The following EPHA1 variants were observed in gnomAD, a reference collection of about 807,000 sequenced individuals.
The protein encoded by EPHA1 is EPH receptor A1.
In EPHA1, 92 loss-of-function variants were observed where a neutral mutation model predicts 110.1. The observed-to-expected ratio is 0.84, with a 90% CI of 0.71 to 0.99. The LOEUF is 0.99. Among genes scored for constraint, EPHA1 ranks in the 50% least tolerant of loss-of-function variants. The pLI is 0.00. For missense variants in EPHA1, 1,204 were observed against 1,285.4 expected, an observed-to-expected ratio of 0.94 and a Z score of 0.97; for synonymous variants, 500 against 516.1, an observed-to-expected ratio of 0.97 and a Z score of 0.42.
In EPHA1 at chr7:143,401,171, G is replaced by A; in HGVS notation, c.432+153C>T. 1 of 984,754 alleles carries A rather than the reference G, an allele frequency of 1.0e-6. No individual in the cohort carries two copies. Among genetic ancestry groups the A allele is most frequent in the Non-Finnish European group, 1.5e-6 (1 of 678,194 alleles). The allele number at this position is 984,754 out of a possible 1,614,324, so 61.0% of individuals were successfully genotyped here. A position where few individuals can be genotyped will look rare whatever the true frequency, so the allele number is the denominator to read the frequency against. ...GTTTCCCAAAGCACTGGAATTACAG[G>A]CACAAGCCACCATGCCCAGCCTTCA... is the stretch of plus-strand genomic sequence containing the variant. On this transcript the variant is annotated intron_variant, in intron 3 of 17. Transcript: ENST00000275815. The surrounding 1 kb of genome is among the most constrained non-coding windows in gnomAD (Gnocchi z 4.1).
Position 143,396,471 on chromosome 7 carries a change from G to A in EPHA1, c.1811C>T (p.Ala604Val). 1 of 1,614,056 alleles carries A rather than the reference G, an allele frequency of 6.2e-7. No homozygotes were observed. The highest frequency in any genetic ancestry group is 8.5e-7 in the Non-Finnish European group (1 of 1,179,972). Reference protein sequence around the residue: ...LWLKPYVDLQAYEDPAQGALD... With the variant: ...LWLKPYVDLQVYEDPAQGALD... The stretch of plus-strand genomic sequence containing the variant: ...GGCTCCCTGTGCAGGGTCCTCGTAT[G>A]CCTGGAGGTCCACATAAGGCTTCAG... Residue 604 changes from alanine to valine, a missense_variant, in exon 11 of 18, where the codon GCA (alanine) becomes GTA (valine). Transcript: ENST00000275815.
chr7:143,391,919 CTG>C, intron 16 of EPHA1, 144 bp from the exon 17 acceptor site: 1 of 1,452,390 alleles, frequency 6.9e-7, no homozygotes, highest in Non-Finnish European at 9.1e-7. Context: ...ACCATTATCT[CTG>C]AGCCCACTTC....
chr7:143,398,238 C>G, intron 7 of EPHA1, 83 bp downstream of exon 7: 9 of 1,594,264 alleles, frequency 5.6e-6, no homozygotes, highest in Non-Finnish European at 7.7e-6. Flanking sequence ...GGGTGGATTC[C>G]TCCCAACCCA....
chr7:143,400,992 C>T (rs983849396), intron 3 of EPHA1: 1 of 335,470 alleles, frequency 3.0e-6, no homozygotes. Context: ...CTCCTGGGCT[C>T]AAGTGATCCT....
intron 2 of EPHA1, among the ~76,000 whole-genome samples, chr7:143,402,291 C>A (rs1266059678): frequency 6.6e-6 from 1 of 152,126 alleles, no homozygotes; most frequent in Non-Finnish European, 1.5e-5. Context: ...AGAGGATTCT[C>A]ATCCTCTCCA....
chr7:143,406,498 G>A (rs1805553034), intron 2 of EPHA1, among the ~76,000 whole-genome samples: 1 of 152,228 alleles, frequency 6.6e-6, no homozygotes, highest in African/African-American at 2.4e-5. Flanking sequence ...GTTTCCCTGA[G>A]TTCTGTGAGC....
intron 8 of EPHA1, 55 bp downstream of exon 8, chr7:143,397,865 G>C (rs898806841): frequency 1.3e-6 from 2 of 1,598,956 alleles, no homozygotes; most frequent in Admixed American, 3.4e-5. Flanking sequence ...GAGCTGAGTT[G>C]CCTCAGTGAG....
chr7:143,396,303 G>A (rs935120082), intron 11 of EPHA1, 82 bp downstream of exon 11: 2 of 1,527,754 alleles, frequency 1.3e-6, no homozygotes, highest in Non-Finnish European at 1.8e-6. Flanking sequence ...GCCCAGGGAA[G>A]CGCTGGAAGG....
intron 1 of EPHA1, 36 bp from the exon 2 acceptor site, chr7:143,407,714 G>T: frequency 6.3e-7 from 1 of 1,584,454 alleles, no homozygotes; most frequent in Non-Finnish European, 8.7e-7. Flanking sequence ...GTCACCTCTG[G>T]GGGAGGAGGT....
chr7:143,395,343 G>A lies in EPHA1; in HGVS notation c.2059C>T (p.His687Tyr), dbSNP rs1805214243. The A allele has an allele frequency of 1.2e-6, 2 of 1,614,106 alleles. No homozygotes were observed. Among genetic ancestry groups the A allele is most frequent in the Admixed American group, 1.7e-5 (1 of 59,996 alleles). Reference sequence around the variant, plus strand: ...CGCTTTGTGACGACGCCTTCCAGATGCAGAATATGCGGGTGGCTAAACTGG... The same window carrying A: ...CGCTTTGTGACGACGCCTTCCAGATACAGAATATGCGGGTGGCTAAACTGG... ...MGQFSHPHIL[H>Y]LEGVVTKRKP... is the part of the protein sequence containing the mutation. The change falls in exon 12 of 18, where the codon CAT becomes TAT. Residue 687 changes from histidine (H) to tyrosine (Y), a missense_variant. By Grantham distance (83) the His-to-Tyr change is moderately conservative (BLOSUM62 2). Coordinates refer to ENST00000275815, the MANE Select transcript of EPHA1 (RefSeq NM_005232.5). The surrounding 1 kb of genome is among the most constrained non-coding windows in gnomAD (Gnocchi z 4.7).
Position 143,396,398 on chromosome 7 carries a change from A to G in EPHA1, c.1884T>C (p.Thr628=). The part of the protein sequence containing the change: ...ELDPAWLMVD[T]VIGEGEFGEV... ...AGCAGGACTCACCTTCTCCTATGACAGTGTCCACCATCAGCCACGCTGGAT... is the reference window on the plus strand; with the variant it reads ...AGCAGGACTCACCTTCTCCTATGACGGTGTCCACCATCAGCCACGCTGGAT... Residue 628 remains threonine, a synonymous_variant, in exon 11 of 18, where the codon ACT becomes ACC. Transcript: ENST00000275815. The G allele has an allele frequency of 6.2e-7, 1 of 1,612,614 alleles. No homozygotes were observed. Among genetic ancestry groups the G allele is most frequent in the Non-Finnish European group, 8.5e-7 (1 of 1,179,638 alleles).
chr7:143,398,019 G>C lies in EPHA1; in HGVS notation c.1516C>G (p.Leu506Val). 6.2e-7 allele frequency: 1 copy of C among 1,614,172 alleles called. No individual in the cohort carries two copies. Among genetic ancestry groups the C allele is most frequent in the Non-Finnish European group, 8.5e-7 (1 of 1,180,022 alleles). The change falls in exon 8 of 18, where the codon CTG (leucine) becomes GTG (valine). Residue 506 changes from leucine to valine, a missense_variant. Leu to Val is a conservative substitution (Grantham distance 32). Coordinates refer to ENST00000275815, the MANE Select transcript of EPHA1 (RefSeq NM_005232.5). ...ACGATGTATGTGGTGTCAGGCTGCA[G>C]CTCTGTCAGCAAGACCCTGGGTTCT... ...VLEPRVLLTE[L>V]QPDTTYIVRV...
Position 143,401,503 on chromosome 7 carries a change from A to G in EPHA1, c.253T>C (p.Trp85Arg), listed in dbSNP as rs1364023704. The change falls in exon 3 of 18, where the codon TGG (tryptophan) becomes CGG (arginine). Residue 85 changes from tryptophan to arginine, a missense_variant. Trp to Arg is a moderately radical substitution (Grantham distance 101). Coordinates refer to ENST00000275815, the MANE Select transcript of EPHA1 (RefSeq NM_005232.5). The surrounding 1 kb of genome is among the most constrained non-coding windows in gnomAD (Gnocchi z 4.1). ...RDTDHWLRSNWIYRGEEASRV... is the reference protein window; with the variant it reads ...RDTDHWLRSNRIYRGEEASRV... ...GAAGCCTCCTCCCCGCGGTAGATCC[A>G]ATTGGAGCGAAGCCAGTGGTCAGTG... 1.1e-5 allele frequency: 18 copies of G among 1,614,058 alleles called. No individual in the cohort carries two copies. The highest frequency in any genetic ancestry group is 2.7e-5 in the African/African-American group (2 of 75,024).
rs1805249736 is a variant in EPHA1 at position 143,396,402 on chromosome 7, TC to T, written c.1879del (p.Asp627ThrfsTer4). On this transcript the variant is annotated frameshift_variant, in exon 11 of 18. Transcript: ENST00000275815. LOFTEE classifies it high-confidence loss of function. ...GGACTCACCTTCTCCTATGACAGTG[TC>T]CACCATCAGCCACGCTGGATCAAGC... ...RELDPAWLMV[D>X]TVIGEGEFGE... 6.2e-7 allele frequency: 1 copy of T among 1,612,714 alleles called. No individual in the cohort carries two copies. The highest frequency in any genetic ancestry group is 1.7e-5 in the Admixed American group (1 of 59,922).
Position 143,397,438 on chromosome 7 carries a change from C to A in EPHA1, c.1713-76G>T, listed in dbSNP as rs1263233414. 3.2e-6 allele frequency: 5 copies of A among 1,572,094 alleles called. No homozygotes were observed. The Admixed American group carries it at 5.5e-5, about 17-fold the overall frequency. On this transcript the variant is annotated intron_variant, in intron 9 of 17. Transcript: ENST00000275815. The stretch of plus-strand genomic sequence containing the variant: ...GTCCGAGGGACTCTGGCTGAATCTT[C>A]CCCAGAAACGGGCTGGGAGTGCAGG...
intron 2 of EPHA1, among the ~76,000 whole-genome samples, chr7:143,402,324 C>T (rs1049218551): frequency 2.6e-5 from 4 of 152,136 alleles, no homozygotes; most frequent in African/African-American, 7.2e-5. Context: ...TAGCCATCAT[C>T]GAAATCAACA....
At position 143,398,760 on chromosome 7, in the gene EPHA1, A is replaced by C; in HGVS notation, c.1177T>G (p.Ser393Ala). The C allele has an allele frequency of 6.2e-7, 1 of 1,613,888 alleles. No individual in the cohort carries two copies. The highest frequency in any genetic ancestry group is 8.5e-7 in the Non-Finnish European group (1 of 1,179,932). The change falls in exon 6 of 18, where the codon TCG becomes GCG. Residue 393 changes from serine to alanine, a missense_variant. By Grantham distance (99) the Ser-to-Ala change is moderately conservative. Transcript: ENST00000275815. ...GTGGTGAGCCCCCGGGCCCCCGGCG[A>C]GAAGTGCACGCCCACCCCACAGGGC... is the stretch of plus-strand genomic sequence containing the variant. The part of the protein sequence containing the change: ...CQPCGVGVHF[S>A]PGARGLTTPA...
chr7:143,396,354 G>A, intron 11 of EPHA1, 31 bp downstream of exon 11: 1 of 1,604,298 alleles, frequency 6.2e-7, no homozygotes, highest in South Asian at 1.1e-5. Flanking sequence ...CACATGGCGG[G>A]GGGCCTGCTG....
intron 14 of EPHA1, among the ~76,000 whole-genome samples, 173 bp downstream of exon 14, chr7:143,394,635 T>C (rs545158618): frequency 1.8e-4 from 27 of 152,282 alleles, no homozygotes; most frequent in African/African-American, 6.3e-4. Flanking sequence ...TTCGCCAGGC[T>C]GGTCTCGATC....
Sources: allele counts gnomAD v4.1 joint callset (sites outside exome capture counted in the v4.1 genomes callset), GRCh38; gene constraint gnomAD v4.1.1; non-coding constraint Gnocchi (gnomAD v3.1); transcripts MANE v1.5; gene names NCBI Gene and HGNC (gene_info 2026-07-23, HGNC 2026-07-21).